The following HCLS1 variants were observed in gnomAD, a reference collection of about 807,000 sequenced individuals.
HCLS1 encodes hematopoietic cell-specific Lyn substrate 1, also known as hematopoietic lineage cell-specific protein.
In HCLS1, 44 loss-of-function variants were observed where a neutral mutation model predicts 68.6. That is an observed-to-expected ratio of 0.64 (90% CI 0.50 to 0.82). The LOEUF (loss-of-function observed/expected upper bound fraction) is 0.82, where lower values mean the gene tolerates loss of function less well. Ranked by LOEUF, HCLS1 falls within the 40% of genes least tolerant of loss-of-function variation. The pLI is 0.00. For missense variants in HCLS1, 602 were observed against 612.1 expected, an observed-to-expected ratio of 0.98 and a Z score of 0.17; for synonymous variants, 217 against 225.8, an observed-to-expected ratio of 0.96 and a Z score of 0.35.
Position 121,632,394 on chromosome 3 carries a change from G to T in HCLS1, c.1178C>A (p.Pro393Gln). Residue 393 changes from proline to glutamine, a missense_variant, in exon 12 of 14, where the codon CCA becomes CAA. Pro to Gln is a moderately conservative substitution (Grantham distance 76). Transcript: ENST00000314583. Reference sequence around the variant, plus strand: ...GAGCACCTCCTCATAGTCCCCCTCTGGTTCATCCTCCTGCTCATGCCTGTC... The same window carrying T: ...GAGCACCTCCTCATAGTCCCCCTCTTGTTCATCCTCCTGCTCATGCCTGTC... ...EMDRHEQEDE[P>Q]EGDYEEVLEP... is the part of the protein sequence containing the mutation. 1 of 1,613,902 alleles carries T rather than the reference G, an allele frequency of 6.2e-7. No homozygotes were observed. The highest frequency in any genetic ancestry group is 8.5e-7 in the Non-Finnish European group (1 of 1,180,006).
chr3:121,636,285 C>T, intron 8 of HCLS1, 149 bp downstream of exon 8: 2 of 668,626 alleles, frequency 3.0e-6, no homozygotes, highest in Non-Finnish European at 5.4e-6. Context: ...TGAGGGCAGT[C>T]AGTGGGGACT....
At chr3:121,651,322 A>T (rs1937744227) in intron 3 of HCLS1, among the ~76,000 whole-genome samples, 3 of 152,214 alleles carry the variant, frequency 2.0e-5, no homozygotes, top group Non-Finnish European at 4.4e-5. Flanking sequence ...CATAAAGAAG[A>T]TATATGAAGA....
In HCLS1 at chr3:121,631,711, C is replaced by T; in HGVS notation, c.*135G>A. 1 of 891,580 alleles carries T rather than the reference C, an allele frequency of 1.1e-6. No individual in the cohort carries two copies. Among genetic ancestry groups the T allele is most frequent in the Non-Finnish European group, 1.7e-6 (1 of 582,342 alleles). The allele number at this position is 891,580 out of a possible 1,614,324, so 55.2% of individuals were successfully genotyped here. A position where few individuals can be genotyped will look rare whatever the true frequency, so the allele number is the denominator to read the frequency against. On this transcript the variant is annotated 3_prime_UTR_variant, in exon 14 of 14. Coordinates refer to ENST00000314583, the MANE Select transcript of HCLS1 (RefSeq NM_005335.6). ...TCCCCATGCTGTCTCTGCCCCAAGCCCTTAATGAAGCAGGAGAGGGAAGTC... is the reference window on the plus strand; with the variant it reads ...TCCCCATGCTGTCTCTGCCCCAAGCTCTTAATGAAGCAGGAGAGGGAAGTC...
intron 2 of HCLS1, chr3:121,658,040 A>T (rs1937911417): frequency 2.0e-6 from 1 of 504,658 alleles, no homozygotes; most frequent in Non-Finnish European, 3.6e-6. Flanking sequence ...CCTGTCAATC[A>T]CACTGTCAAA....
At chr3:121,637,330 T>A (rs2049159734) in intron 6 of HCLS1, 74 bp from the exon 7 acceptor site, 2 of 946,952 alleles carry the variant, frequency 2.1e-6, no homozygotes, top group Admixed American at 1.7e-5. Flanking sequence ...AGAAGAGAGG[T>A]CAGCAGGAAT....
At chr3:121,646,349 A>ATATTATATAGTATATAATATATAG (rs1937603791) in intron 4 of HCLS1, among the ~76,000 whole-genome samples, 1 of 59,650 alleles carries the variant, frequency 1.7e-5, no homozygotes, top group South Asian at 5.4e-4. Context: ...ATAGTATATA[A>ATATTATATAGTATATAATATATAG]TATATTACAT....
At chr3:121,640,573 A>T (rs1265891360) in intron 6 of HCLS1, among the ~76,000 whole-genome samples, 2 of 151,698 alleles carry the variant, frequency 1.3e-5, no homozygotes, top group African/African-American at 4.8e-5. Flanking sequence ...CCATAATGAA[A>T]CCATAATGTC....
At chr3:121,633,219 T>C (rs1485019729) in intron 10 of HCLS1, 48 bp from the exon 11 acceptor site, 6 of 1,173,536 alleles carry the variant, frequency 5.1e-6, no homozygotes, top group Admixed American at 4.9e-5. Context: ...CCATCTTCAC[T>C]CCTTTTTTTT....
In HCLS1 at chr3:121,631,598, G is replaced by A; in HGVS notation, c.*248C>T. On this transcript the variant is annotated 3_prime_UTR_variant, in exon 14 of 14. Coordinates refer to ENST00000314583, the MANE Select transcript of HCLS1 (RefSeq NM_005335.6). ...GAGCAGAGCTTGGGGTGGCAGAGAG[G>A]TGTTCATTGGGAAGGAGTCAGGAAC... 1 of 468,622 alleles carries A rather than the reference G, an allele frequency of 2.1e-6. No individual in the cohort carries two copies. The highest frequency in any genetic ancestry group is 3.7e-5 in the Admixed American group (1 of 27,258). 29.0% of individuals were successfully genotyped at this position (468,622 alleles called of 1,614,324 possible). A position where few individuals can be genotyped will look rare whatever the true frequency, so the allele number is the denominator to read the frequency against.
At chr3:121,644,525 A>G in intron 5 of HCLS1, 1 of 485,296 alleles carries the variant, frequency 2.1e-6, no homozygotes, top group Non-Finnish European at 3.9e-6. Context: ...TCTCTGTTCT[A>G]TCTTCATGCA....
At chr3:121,638,801 G>T (rs948393650) in intron 6 of HCLS1, among the ~76,000 whole-genome samples, 1 of 152,136 alleles carries the variant, frequency 6.6e-6, no homozygotes, top group Non-Finnish European at 1.5e-5. Context: ...ATGCTCCAAT[G>T]ATAAAAGAAC....
chr3:121,634,939 GT>G (rs1274626323), intron 9 of HCLS1, among the ~76,000 whole-genome samples: 1 of 151,950 alleles, frequency 6.6e-6, no homozygotes. Context: ...GCTGACTTGT[GT>G]CCTTTCTAAA....
At position 121,644,933 on chromosome 3, in the gene HCLS1, G is replaced by A. The variant is rs2049232107; in HGVS notation, c.289-5C>T. On this transcript the variant is annotated splice_region_variant and splice_polypyrimidine_tract_variant and intron_variant, in intron 4 of 13. Transcript: ENST00000314583. ...ATACTCATGGCCCACTGCACTCTGAGAAAAATCAAGGATGGAGTGAGTGAA... is the reference window on the plus strand; with the variant it reads ...ATACTCATGGCCCACTGCACTCTGAAAAAAATCAAGGATGGAGTGAGTGAA... 1.2e-6 allele frequency: 2 copies of A among 1,600,856 alleles called. No homozygotes were observed. The highest frequency in any genetic ancestry group is 1.3e-5 in the African/African-American group (1 of 74,780).
rs1181452367 is a variant in HCLS1 at position 121,655,462 on chromosome 3, C to CTTTTTTTTTTTT, written c.158+1805_158+1816dup. 99 of 50,102 alleles carry CTTTTTTTTTTTT rather than the reference C, an allele frequency of 2.0e-3. 22 individuals are homozygous for CTTTTTTTTTTTT. The highest frequency in any genetic ancestry group is 2.9e-3 in the Non-Finnish European group (78 of 26,524). 3.1% of individuals were successfully genotyped at this position (50,102 alleles called of 1,614,324 possible). A position where few individuals can be genotyped will look rare whatever the true frequency, so the allele number is the denominator to read the frequency against. On this transcript the variant is annotated intron_variant, in intron 3 of 13. Coordinates refer to ENST00000314583, the MANE Select transcript of HCLS1 (RefSeq NM_005335.6). ...CATTTTTTTATGAGGGTTGCTTGCTCTTTTTTTTTTTTTTTTTTTTTTTTT... is the reference window on the plus strand; with the variant it reads ...CATTTTTTTATGAGGGTTGCTTGCTCTTTTTTTTTTTTTTTTTTTTTTTTTTTTTTTTTTTTT...
intron 3 of HCLS1, chr3:121,657,047 T>C: frequency 2.4e-6 from 1 of 421,900 alleles, no homozygotes; most frequent in Non-Finnish European, 4.3e-6. Flanking sequence ...AGTTGTTAGG[T>C]ATAAAAGATA....
rs748811899 is a variant in HCLS1, at chr3:121,634,403, C to T, written c.707G>A (p.Arg236His). The T allele has an allele frequency of 6.3e-5, 101 of 1,613,892 alleles. 1 individual carries two copies. The highest frequency in any genetic ancestry group is 3.3e-4 in the Middle Eastern group (2 of 6,084). Residue 236 changes from arginine to histidine, a missense_variant, in exon 10 of 14, where the codon CGT becomes CAT. By Grantham distance (29) the Arg-to-His change is conservative (BLOSUM62 0). Transcript: ENST00000314583. Reference sequence around the variant, plus strand: ...GGACTCAAATTTCGCCTTCAGCCCACGGGTACCACTAGAAGCTGCAGACAC... The same window carrying T: ...GGACTCAAATTTCGCCTTCAGCCCATGGGTACCACTAGAAGCTGCAGACAC... Reference protein sequence around the residue: ...TPIEAASSGTRGLKAKFESMA... With the variant: ...TPIEAASSGTHGLKAKFESMA...
chr3:121,647,831 A>C (rs569013828), intron 3 of HCLS1, among the ~76,000 whole-genome samples: 2 of 152,190 alleles, frequency 1.3e-5, no homozygotes, highest in African/African-American at 4.8e-5. Flanking sequence ...AAAAAGCAGA[A>C]AAATATTCAC....
At chr3:121,638,478 C>A (rs773024093) in intron 6 of HCLS1, among the ~76,000 whole-genome samples, 1 of 152,078 alleles carries the variant, frequency 6.6e-6, no homozygotes, top group Non-Finnish European at 1.5e-5. Context: ...TCTGTCCACT[C>A]CTATAAGAGA....
intron 3 of HCLS1, among the ~76,000 whole-genome samples, chr3:121,648,627 C>T (rs373752878): frequency 1.9e-4 from 29 of 152,194 alleles, no homozygotes; most frequent in Admixed American, 8.5e-4. Flanking sequence ...ATTGGTTATA[C>T]GTAGAATGGC....
Sources: allele counts gnomAD v4.1 joint callset (sites outside exome capture counted in the v4.1 genomes callset), GRCh38; gene constraint gnomAD v4.1.1; transcripts MANE v1.5; gene names NCBI Gene and HGNC (gene_info 2026-07-23, HGNC 2026-07-21).